The following MPZL1 variants were observed in gnomAD, a reference collection of about 807,000 sequenced individuals.
The protein encoded by MPZL1 is myelin protein zero-like protein 1.
In MPZL1, 16 loss-of-function variants were observed where a neutral mutation model predicts 29.3. That is an observed-to-expected ratio of 0.55 (90% CI 0.37 to 0.83). The LOEUF (loss-of-function observed/expected upper bound fraction) is 0.83, where lower values mean the gene tolerates loss of function less well. Among genes scored for constraint, MPZL1 ranks in the 40% least tolerant of loss-of-function variants. The probability of loss-of-function intolerance (pLI) is 0.00; values close to 1 mark genes in which losing one functional copy is unlikely to be tolerated. For synonymous variants in MPZL1, 143 were observed against 132.0 expected (o/e 1.08, Z -0.57); for missense variants, 279 against 332.9 (o/e 0.84, Z 1.26).
chr1:167,784,226 C>T lies in MPZL1; in HGVS notation c.709-3594C>T, dbSNP rs184231927. Among the ~76,000 whole-genome samples the T allele has an allele frequency of 2.0e-5, 3 of 152,170 alleles. No individual in the cohort carries two copies. The East Asian group carries it at 5.8e-4, about 29-fold the overall frequency. ...CTCTAGTTGTAACTAAAATAATAGG[C>T]CTATATTAAGCAATGTGTTTCTTGA... On this transcript the variant is annotated intron_variant, in intron 5 of 5. Transcript: ENST00000359523.
At chr1:167,771,108 G>A (rs1017357141) in intron 2 of MPZL1, among the ~76,000 whole-genome samples, 6 of 151,758 alleles carry the variant, frequency 4.0e-5, no homozygotes, top group African/African-American at 1.5e-4. Flanking sequence ...GTGAACAAAG[G>A]TCTCTGGTTT....
chr1:167,773,919 AAAG>A (rs1211650728), intron 4 of MPZL1: 1 of 151,494 alleles, frequency 6.6e-6, no homozygotes, highest in Non-Finnish European at 1.5e-5. Context: ...AGAAAGAAAG[AAAG>A]AAGAAGAAAA....
At chr1:167,729,185 G>A (rs1176212470) in intron 1 of MPZL1, among the ~76,000 whole-genome samples, 1 of 151,722 alleles carries the variant, frequency 6.6e-6, no homozygotes, top group African/African-American at 2.4e-5. Context: ...CATGAGAATC[G>A]CTTGAGCCTG....
In MPZL1 at chr1:167,733,424, T is replaced by C. The variant is rs542933800; in HGVS notation, c.91+11182T>C. On this transcript the variant is annotated intron_variant, in intron 1 of 5. Transcript: ENST00000359523. ...AAAATGCTGGGACTCCCCTCACAGA[T>C]CTACTTTTCACAGTCATGTGGTGAA... Among the ~76,000 whole-genome samples the C allele has an allele frequency of 3.3e-5, 5 of 152,302 alleles. No individual in the cohort carries two copies. In the South Asian group the frequency reaches 1.0e-3, roughly 32 times the overall value.
At chr1:167,753,849 C>G (rs770177880) in intron 1 of MPZL1, among the ~76,000 whole-genome samples, 1 of 151,670 alleles carries the variant, frequency 6.6e-6, no homozygotes, top group Admixed American at 6.6e-5. Context: ...AGGTTGGTCT[C>G]GAACTCCTGA....
chr1:167,730,385 T>G (rs762653915), intron 1 of MPZL1, among the ~76,000 whole-genome samples: 5 of 152,138 alleles, frequency 3.3e-5, no homozygotes, highest in Non-Finnish European at 7.4e-5. Flanking sequence ...TTCAAGTGAT[T>G]CTCCCACCTC....
intron 1 of MPZL1, among the ~76,000 whole-genome samples, chr1:167,761,374 G>A (rs1644966474): frequency 6.6e-6 from 1 of 152,160 alleles, no homozygotes; most frequent in South Asian, 2.1e-4. Flanking sequence ...TCCTTAGGTA[G>A]GCAAGAGATG....
chr1:167,750,791 A>G (rs547841279), intron 1 of MPZL1, among the ~76,000 whole-genome samples: 1 of 152,256 alleles, frequency 6.6e-6, no homozygotes, highest in Non-Finnish European at 1.5e-5. Context: ...AATAATGTCC[A>G]TTAGAGCAGA....
intron 1 of MPZL1, among the ~76,000 whole-genome samples, chr1:167,761,124 G>A (rs567483827): frequency 6.2e-4 from 95 of 152,212 alleles, no homozygotes; most frequent in African/African-American, 2.2e-3. Flanking sequence ...GCCTAAATTG[G>A]ATTTATCCAA....
At chr1:167,725,325 AGGCTGGAATGC>A in intron 1 of MPZL1, among the ~76,000 whole-genome samples, 1 of 152,230 alleles carries the variant, frequency 6.6e-6, no homozygotes, top group African/African-American at 2.4e-5. Flanking sequence ...TGTCTCGCCC[AGGCTGGAATGC>A]AGTGGCACAA....
chr1:167,757,047 G>C (rs1452907551), intron 1 of MPZL1, among the ~76,000 whole-genome samples: 1 of 152,128 alleles, frequency 6.6e-6, no homozygotes, highest in Non-Finnish European at 1.5e-5. Flanking sequence ...TTAATACTTA[G>C]GGCTTGTTGA....
At chr1:167,772,157 GAT>G in intron 2 of MPZL1, 116 bp from the exon 3 acceptor site, 1 of 785,000 alleles carries the variant, frequency 1.3e-6, no homozygotes, top group Middle Eastern at 2.3e-4. Context: ...GAGGGAGAGA[GAT>G]GTTGCATTTC....
chr1:167,733,471 C>G (rs1187747173), intron 1 of MPZL1, among the ~76,000 whole-genome samples: 2 of 152,132 alleles, frequency 1.3e-5, no homozygotes, highest in African/African-American at 4.8e-5. Context: ...CTGGCTGGGC[C>G]TGGTGGTTTA....
intron 2 of MPZL1, among the ~76,000 whole-genome samples, chr1:167,768,074 G>A (rs10918761): frequency 6.6e-6 from 1 of 151,870 alleles, no homozygotes; most frequent in Admixed American, 6.6e-5. Context: ...GTAGCCCCTT[G>A]TTATTCTTCT....
chr1:167,776,693 A>T (rs1469287426), intron 5 of MPZL1, among the ~76,000 whole-genome samples: 1 of 152,248 alleles, frequency 6.6e-6, no homozygotes, highest in African/African-American at 2.4e-5. Flanking sequence ...ACTTGTAGAA[A>T]GTACAGAAGA....
chr1:167,759,658 T>C (rs1660940764), intron 1 of MPZL1, among the ~76,000 whole-genome samples: 1 of 151,912 alleles, frequency 6.6e-6, no homozygotes, highest in Non-Finnish European at 1.5e-5. Flanking sequence ...AGCAAGGATC[T>C]TCACTGAAAT....
At chr1:167,774,228 A>T (rs1661314788) in intron 4 of MPZL1, among the ~76,000 whole-genome samples, 1 of 152,246 alleles carries the variant, frequency 6.6e-6, no homozygotes, top group African/African-American at 2.4e-5. Flanking sequence ...AAGCTAACCC[A>T]TATAAGCTAT....
chr1:167,782,773 GA>G (rs1418943679), intron 5 of MPZL1, among the ~76,000 whole-genome samples: 1 of 152,174 alleles, frequency 6.6e-6, no homozygotes, highest in African/African-American at 2.4e-5. Context: ...GAGGGAGGCA[GA>G]AGGGTAAGCA....
chr1:167,790,974 A>T lies in MPZL1; in HGVS notation c.*3053A>T, dbSNP rs1394760525. On this transcript the variant is annotated 3_prime_UTR_variant, in exon 6 of 6. Coordinates refer to ENST00000359523, the MANE Select transcript of MPZL1 (RefSeq NM_003953.6). The stretch of plus-strand genomic sequence containing the variant: ...ACATGCTGTTCCCTGGGCCTGAAGC[A>T]TGCCTTCTGCCAATATTCCTGTGGT... The T allele has an allele frequency of 6.6e-6, 1 of 152,152 alleles. No individual in the cohort carries two copies. Among genetic ancestry groups the T allele is most frequent in the Admixed American group, 6.5e-5 (1 of 15,274 alleles). The allele number at this position is 152,152 out of a possible 1,614,324, so 9.4% of individuals were successfully genotyped here.
Sources: allele counts gnomAD v4.1 joint callset (sites outside exome capture counted in the v4.1 genomes callset), GRCh38; gene constraint gnomAD v4.1.1; transcripts MANE v1.5; gene names NCBI Gene and HGNC (gene_info 2026-07-23, HGNC 2026-07-21).